The following PHC2 variants were observed in gnomAD, a reference collection of about 807,000 sequenced individuals.
PHC2 encodes polyhomeotic-like protein 2.
PHC2 carries 29 observed loss-of-function variants against 87.4 expected under a neutral mutation model. The ratio of observed to expected loss-of-function variants is 0.33; its 90% confidence interval spans 0.25 to 0.45. PHC2 has a LOEUF of 0.45. Among genes scored for constraint, PHC2 ranks in the 20% least tolerant of loss-of-function variants. PHC2 has a pLI of 1.00. For missense variants in PHC2, 857 were observed against 1,136.7 expected, an observed-to-expected ratio of 0.75 and a Z score of 3.54; for synonymous variants, 438 against 461.7, an observed-to-expected ratio of 0.95 and a Z score of 0.66.
chr1:33,367,491 AAG>A, intron 6 of PHC2, 63 bp from the exon 7 acceptor site: 1 of 1,285,390 alleles, frequency 7.8e-7, no homozygotes, highest in Non-Finnish European at 1.1e-6. Flanking sequence ...GTATACAACT[AAG>A]AGGGAGAGAG....
At chr1:33,386,112 T>C (rs1648733089) in intron 1 of PHC2, among the ~76,000 whole-genome samples, 1 of 152,076 alleles carries the variant, frequency 6.6e-6, no homozygotes, top group Non-Finnish European at 1.5e-5. Context: ...TAAATTTTTT[T>C]ATGTTATAAT....
At chr1:33,383,284 G>A (rs947008479) in intron 1 of PHC2, among the ~76,000 whole-genome samples, 36 of 152,138 alleles carry the variant, frequency 2.4e-4, no homozygotes, top group Admixed American at 1.3e-3. Context: ...CATCTCAAAA[G>A]GTCCCTCCCT....
At position 33,369,079 on chromosome 1, in the gene PHC2, A is replaced by G. The variant is rs1462881436; in HGVS notation, c.577-457T>C. 2.0e-5 allele frequency among the ~76,000 whole-genome samples: 3 copies of G among 152,214 alleles called. No individual in the cohort carries two copies. Among genetic ancestry groups the G allele is most frequent in the African/African-American group, 7.2e-5 (3 of 41,450 alleles). ...CTGCTGAACCCAGGGCTGAGCCAAGATGAGACTGCCCTCCAGGGGATCAAG... is the reference window on the plus strand; with the variant it reads ...CTGCTGAACCCAGGGCTGAGCCAAGGTGAGACTGCCCTCCAGGGGATCAAG... On this transcript the variant is annotated intron_variant, in intron 5 of 14. Transcript: ENST00000683057. This position sits in a 1 kb window ranked among gnomAD's most constrained non-coding sequence, Gnocchi z 4.7.
chr1:33,324,857 C>T lies in PHC2; in HGVS notation c.*8G>A. ...CGCCCTGGGCCAGAATCCTGGCTGC[C>T]ACCAGCCCTAGGAGTCCTTGAGCAT... On this transcript the variant is annotated 3_prime_UTR_variant, in exon 15 of 15. Transcript: ENST00000683057. 1.2e-6 allele frequency: 2 copies of T among 1,602,952 alleles called. No individual in the cohort carries two copies. Among genetic ancestry groups the T allele is most frequent in the Non-Finnish European group, 1.7e-6 (2 of 1,172,106 alleles).
chr1:33,426,660 T>C (rs932287014), intron 1 of PHC2, among the ~76,000 whole-genome samples: 1 of 152,160 alleles, frequency 6.6e-6, no homozygotes, highest in Non-Finnish European at 1.5e-5. Context: ...TGACTGGGCA[T>C]TTCCTTTTGC....
At chr1:33,419,947 G>A (rs68137916) in intron 1 of PHC2, among the ~76,000 whole-genome samples, 28,604 of 151,798 alleles carry the variant, frequency 0.19, 2,838 homozygotes, top group South Asian at 0.25. Context: ...TGTATTTAGC[G>A]CCCACCCAGA....
intron 9 of PHC2, among the ~76,000 whole-genome samples, chr1:33,338,424 T>TTATGAATATA (rs1309701373): frequency 1.3e-5 from 2 of 152,136 alleles, no homozygotes; most frequent in East Asian, 3.9e-4. Flanking sequence ...GGAGAGTGTT[T>TTATGAATATA]TATGAATATA....
intron 1 of PHC2, among the ~76,000 whole-genome samples, chr1:33,416,584 G>GA (rs61591207): frequency 0.45 from 51,870 of 116,550 alleles, 10,593 homozygotes; most frequent in South Asian, 0.54. Flanking sequence ...TCAAAAAAAA[G>GA]AAAAAAAAAA....
At chr1:33,325,131 G>A (rs1646341647) in intron 14 of PHC2, 112 bp from the exon 15 acceptor site, 2 of 1,101,042 alleles carry the variant, frequency 1.8e-6, no homozygotes, top group Admixed American at 2.7e-5. Context: ...ATTTCTTTTA[G>A]TCCTCATAAC....
At chr1:33,348,950 A>T in intron 9 of PHC2, 1 of 551,998 alleles carries the variant, frequency 1.8e-6, no homozygotes, top group Non-Finnish European at 2.3e-6. Context: ...CTGGTTTGCA[A>T]CCTGACCTTG....
intron 1 of PHC2, among the ~76,000 whole-genome samples, chr1:33,409,951 A>G (rs897417406): frequency 1.3e-5 from 2 of 152,236 alleles, no homozygotes; most frequent in Non-Finnish European, 1.5e-5. Flanking sequence ...GAATACCCAA[A>G]GGGGAAACTA....
chr1:33,359,206 T>A (rs1230700787), intron 7 of PHC2: 1 of 56,172 alleles, frequency 1.8e-5, no homozygotes, highest in Non-Finnish European at 3.0e-5. Context: ...TATTGCTGAA[T>A]GAATGAATGA....
intron 9 of PHC2, among the ~76,000 whole-genome samples, chr1:33,340,517 G>A (rs956666352): frequency 1.1e-4 from 17 of 152,342 alleles, no homozygotes; most frequent in South Asian, 2.1e-4. Context: ...GCAACAGGCC[G>A]TACTGCAGTG....
At chr1:33,406,585 G>A (rs540807452) in intron 1 of PHC2, among the ~76,000 whole-genome samples, 1 of 152,170 alleles carries the variant, frequency 6.6e-6, no homozygotes, top group African/African-American at 2.4e-5. Context: ...GTAAACAGCA[G>A]AGAGTTATAG....
intron 1 of PHC2, among the ~76,000 whole-genome samples, chr1:33,414,822 A>G (rs1456779956): frequency 6.6e-6 from 1 of 152,254 alleles, no homozygotes; most frequent in East Asian, 1.9e-4. Context: ...TTTAAATGAC[A>G]GAATTTCTTT....
intron 1 of PHC2, among the ~76,000 whole-genome samples, chr1:33,380,544 T>C (rs1648443440): frequency 6.6e-6 from 1 of 152,246 alleles, no homozygotes; most frequent in Admixed American, 6.5e-5. Flanking sequence ...TTCCATTGTA[T>C]ACCTACATAC....
intron 1 of PHC2, among the ~76,000 whole-genome samples, chr1:33,421,318 G>A (rs1650427542): frequency 6.6e-6 from 1 of 152,162 alleles, no homozygotes; most frequent in Non-Finnish European, 1.5e-5. Flanking sequence ...AGGACAGGAA[G>A]TAGGGCAAAG....
chr1:33,420,736 A>C lies in PHC2; in HGVS notation c.-55+10240T>G, dbSNP rs374730533. Among the ~76,000 whole-genome samples the C allele has an allele frequency of 7.2e-5, 11 of 152,066 alleles. No homozygotes were observed. In the South Asian group the frequency reaches 1.7e-3, roughly 23 times the overall value. On this transcript the variant is annotated intron_variant, in intron 1 of 14. Transcript: ENST00000683057. ...GTGATCCTCCCACCTCAGCTTCCTG[A>C]GTAGCTGAGACCACAGGTGCATACT...
In PHC2 at chr1:33,368,478, A is replaced by T; in HGVS notation, c.663+58T>A. ...TCTCCTTGTGCCCCTCCCCAGTATC[A>T]GTGCCCCTCTACAGGGGTGCCCACC... On this transcript the variant is annotated intron_variant, in intron 6 of 14. Transcript: ENST00000683057. This position sits in a 1 kb window ranked among gnomAD's most constrained non-coding sequence, Gnocchi z 6.6. 1 of 867,360 alleles carries T rather than the reference A, an allele frequency of 1.2e-6. No homozygotes were observed. The highest frequency in any genetic ancestry group is 1.8e-6 in the Non-Finnish European group (1 of 567,630). The allele number at this position is 867,360 out of a possible 1,614,324, so 53.7% of individuals were successfully genotyped here.
Sources: allele counts gnomAD v4.1 joint callset (sites outside exome capture counted in the v4.1 genomes callset), GRCh38; gene constraint gnomAD v4.1.1; non-coding constraint Gnocchi (gnomAD v3.1); transcripts MANE v1.5; gene names NCBI Gene and HGNC (gene_info 2026-07-23, HGNC 2026-07-21).